Variants in PYGL observed in about 807,000 individuals in gnomAD.
The protein encoded by PYGL is glycogen phosphorylase, liver form.
PYGL carries 90 observed loss-of-function variants against 100.1 expected under a neutral mutation model. That is an observed-to-expected ratio of 0.90 (90% CI 0.76 to 1.07). The LOEUF is 1.07. Among genes scored for constraint, PYGL ranks in the 50% least tolerant of loss-of-function variants. The pLI is 0.00. For synonymous variants in PYGL, 373 were observed against 393.0 expected, an observed-to-expected ratio of 0.95 and a Z score of 0.60; for missense variants, 1,016 against 1,057.6, an observed-to-expected ratio of 0.96 and a Z score of 0.55.
intron 4 of PYGL, among the ~76,000 whole-genome samples, chr14:50,927,979 G>A (rs966652637): frequency 1.3e-5 from 2 of 152,152 alleles, no homozygotes; most frequent in Admixed American, 6.5e-5. Flanking sequence ...GTAGGGGTGG[G>A]GGGCCAAGGT....
intron 16 of PYGL, among the ~76,000 whole-genome samples, chr14:50,910,341 T>C (rs554110957): frequency 2.2e-4 from 34 of 152,354 alleles, no homozygotes; most frequent in African/African-American, 6.3e-4. Context: ...AGAGTATCTA[T>C]TGACTGCGAC....
chr14:50,919,184 A>C (rs1226462827), intron 7 of PYGL, among the ~76,000 whole-genome samples: 1 of 152,208 alleles, frequency 6.6e-6, no homozygotes. Context: ...TTTGGTCCTT[A>C]CTGAAGACAG....
chr14:50,934,564 A>C (rs1389797569), intron 3 of PYGL, among the ~76,000 whole-genome samples: 1 of 152,134 alleles, frequency 6.6e-6, no homozygotes, highest in African/African-American at 2.4e-5. Flanking sequence ...AATATTTTCT[A>C]TGAATATATA....
chr14:50,916,295 A>G (rs888180098), intron 9 of PYGL, among the ~76,000 whole-genome samples: 3 of 152,108 alleles, frequency 2.0e-5, no homozygotes, highest in African/African-American at 4.8e-5. Flanking sequence ...AGTACAAAGT[A>G]TGTAAAATGC....
intron 5 of PYGL, chr14:50,923,714 TG>T: frequency 5.0e-6 from 1 of 201,048 alleles, no homozygotes; most frequent in Non-Finnish European, 9.1e-6. Flanking sequence ...AAAAAAGAAC[TG>T]ACAATTTTCT....
intron 16 of PYGL, among the ~76,000 whole-genome samples, chr14:50,910,846 C>T (rs1596032513): frequency 1.3e-5 from 2 of 152,302 alleles, no homozygotes; most frequent in East Asian, 1.9e-4. Flanking sequence ...GACATCTAGC[C>T]TCTGACCTTT....
Position 50,910,012 on chromosome 14 carries a change from G to T in PYGL, c.2060C>A (p.Ala687Asp), listed in dbSNP as rs370959744. ...TGNMKFMLNG[A>D]LTIGTMDGAN... ...CCCATCCATGGTCCCGATAGTTAGGGCCCCATTTAGCATGAACTTCATATT... is the reference window on the plus strand; with the variant it reads ...CCCATCCATGGTCCCGATAGTTAGGTCCCCATTTAGCATGAACTTCATATT... Residue 687 changes from alanine (A) to aspartate (D), a missense_variant, in exon 17 of 20, where the codon GCC becomes GAC. By Grantham distance (126) the Ala-to-Asp change is moderately radical (BLOSUM62 -2). Coordinates refer to ENST00000216392, the MANE Select transcript of PYGL (RefSeq NM_002863.5). 1 of 1,614,008 alleles carries T rather than the reference G, an allele frequency of 6.2e-7. No individual in the cohort carries two copies. Among genetic ancestry groups the T allele is most frequent in the Non-Finnish European group, 8.5e-7 (1 of 1,180,012 alleles).
chr14:50,944,347 GA>G lies in PYGL; in HGVS notation c.56del (p.Ile19ThrfsTer10). On this transcript the variant is annotated frameshift_variant, in exon 1 of 20. Transcript: ENST00000216392. LOFTEE classifies it high-confidence loss of function. Reference protein sequence around the residue: ...EKRRQISIRGIVGVENVAELK... With the variant: ...EKRRQISIRGXVGVENVAELK... Reference sequence around the variant, plus strand: ...GCTCTGCCACGTTCTCCACGCCCACGATGCCGCGGATGCTGATCTGCCGCCG... The same window carrying G: ...GCTCTGCCACGTTCTCCACGCCCACGTGCCGCGGATGCTGATCTGCCGCCG... 1 of 1,613,746 alleles carries G rather than the reference GA, an allele frequency of 6.2e-7. No individual in the cohort carries two copies.
chr14:50,927,517 G>A (rs1396797324), intron 4 of PYGL, among the ~76,000 whole-genome samples: 1 of 152,172 alleles, frequency 6.6e-6, no homozygotes, highest in African/African-American at 2.4e-5. Flanking sequence ...GAGCCACCAC[G>A]ATAAGCCACA....
chr14:50,915,693 C>T, intron 10 of PYGL, 132 bp downstream of exon 10: 1 of 1,428,760 alleles, frequency 7.0e-7, no homozygotes, highest in South Asian at 1.2e-5. Flanking sequence ...TTTGTTGGAG[C>T]CCCGTTCGGA....
intron 11 of PYGL, 126 bp from the exon 12 acceptor site, chr14:50,914,941 G>A: frequency 1.3e-6 from 1 of 752,304 alleles, no homozygotes. Context: ...TAAAGGTGGA[G>A]GGACAGGCTG....
intron 4 of PYGL, among the ~76,000 whole-genome samples, chr14:50,929,042 T>C (rs537837588): frequency 6.6e-6 from 1 of 152,128 alleles, no homozygotes; most frequent in East Asian, 1.9e-4. Context: ...TCTTTTATCT[T>C]ATTTTATTTT....
chr14:50,913,090 G>A lies in PYGL; in HGVS notation c.1559C>T (p.Thr520Met), dbSNP rs536165697. The part of the protein sequence containing the change: ...EDYVKDLSQL[T>M]KLHSFLGDDV... ...ATCACCCAGGAAGCTGTGGAGCTTC[G>A]TCAGCTGGCTCAGGTCTTTCACATA... Residue 520 changes from threonine (T) to methionine (M), a missense_variant, in exon 13 of 20, where the codon ACG becomes ATG. Thr to Met is a moderately conservative substitution (Grantham distance 81). Transcript: ENST00000216392. 2.0e-5 allele frequency: 33 copies of A among 1,613,990 alleles called. No individual in the cohort carries two copies. In the South Asian group the frequency reaches 2.3e-4, roughly 11 times the overall value.
rs1430463477 is a variant in PYGL, at chr14:50,920,994, C to T, written c.734G>A (p.Trp245Ter). 6.2e-7 allele frequency: 1 copy of T among 1,614,208 alleles called. No homozygotes were observed. Residue 245 changes from tryptophan (W) to a stop codon, truncating the protein, a stop_gained, in exon 6 of 20, where the codon TGG becomes TAG. Transcript: ENST00000216392. LOFTEE classifies it high-confidence loss of function. Reference protein sequence around the residue: ...MNNTVNTMRLWSARAPNDFNL... With the variant: ...MNNTVNTMRL ...AAAGTCATTTGGTGCCCGAGCAGACCAGAGGCGCATGGTGTTGACAGTGTT... is the reference window on the plus strand; with the variant it reads ...AAAGTCATTTGGTGCCCGAGCAGACTAGAGGCGCATGGTGTTGACAGTGTT...
rs2139178433 is a variant in PYGL, at chr14:50,920,639, A to G, written c.773-16T>C. 3.1e-6 allele frequency: 5 copies of G among 1,588,670 alleles called. No individual in the cohort carries two copies. Among genetic ancestry groups the G allele is most frequent in the South Asian group, 2.2e-5 (2 of 90,516 alleles). On this transcript the variant is annotated splice_polypyrimidine_tract_variant and intron_variant, in intron 6 of 19. Coordinates refer to ENST00000216392, the MANE Select transcript of PYGL (RefSeq NM_002863.5). ...CCAACATTAACTAGGGGAAAGTTAG[A>G]GAAACAATAAATAGAGAAACCAGCC...
intron 19 of PYGL, among the ~76,000 whole-genome samples, chr14:50,905,873 C>T (rs1271741153): frequency 6.6e-6 from 1 of 152,204 alleles, no homozygotes; most frequent in East Asian, 1.9e-4. Context: ...CCCATGCTTT[C>T]TTATGAATGA....
intron 1 of PYGL, among the ~76,000 whole-genome samples, chr14:50,943,873 G>A (rs561855714): frequency 6.6e-6 from 1 of 152,356 alleles, no homozygotes; most frequent in African/African-American, 2.4e-5. Context: ...CAGGCGAGAG[G>A]GGCCTGGGCT....
Position 50,942,490 on chromosome 14 carries a change from G to T in PYGL, c.243+1671C>A, listed in dbSNP as rs942884359. On this transcript the variant is annotated intron_variant, in intron 1 of 19. Transcript: ENST00000216392. Reference sequence around the variant, plus strand: ...TAATTTTTAATGAGAGGCGCAGTATGGTGTACTTAGTAGCATTCCCTTTGT... The same window carrying T: ...TAATTTTTAATGAGAGGCGCAGTATTGTGTACTTAGTAGCATTCCCTTTGT... Among the ~76,000 whole-genome samples, 11 of 140,174 alleles carry T rather than the reference G, an allele frequency of 7.8e-5. 1 individual carries two copies. Among genetic ancestry groups the T allele is most frequent in the African/African-American group, 2.7e-4 (11 of 40,422 alleles). The allele number at this position is 140,174 out of a possible 152,430, so 92.0% of individuals were successfully genotyped here.
intron 9 of PYGL, among the ~76,000 whole-genome samples, 198 bp downstream of exon 9, chr14:50,916,444 G>A (rs75501334): frequency 6.6e-6 from 1 of 152,172 alleles, no homozygotes; most frequent in East Asian, 1.9e-4. Context: ...CATTAGGAAT[G>A]TGCTCATTTA....
Sources: allele counts gnomAD v4.1 joint callset (sites outside exome capture counted in the v4.1 genomes callset), GRCh38; gene constraint gnomAD v4.1.1; transcripts MANE v1.5; gene names NCBI Gene and HGNC (gene_info 2026-07-23, HGNC 2026-07-21).